PABPC1L: variants seen among roughly 807,000 people sequenced by gnomAD.
PABPC1L encodes polyadenylate-binding protein 1-like.
Under a neutral mutation model 66.6 loss-of-function variants are expected in PABPC1L, and 31 were observed. That is an observed-to-expected ratio of 0.47 (90% CI 0.35 to 0.63). The LOEUF is 0.63. Ranked by LOEUF, PABPC1L falls within the 20% of genes least tolerant of loss-of-function variation. The pLI is 0.00. For synonymous variants in PABPC1L, 348 were observed against 335.1 expected (o/e 1.04, Z -0.42); for missense variants, 722 against 848.8 (o/e 0.85, Z 1.86).
Position 44,930,534 on chromosome 20 carries a change from C to A in PABPC1L, c.1047C>A (p.Ala349=), listed in dbSNP as rs369056714. 3 of 1,614,130 alleles carry A rather than the reference C, an allele frequency of 1.9e-6. No individual in the cohort carries two copies. The Admixed American group carries it at 5.0e-5, about 27-fold the overall frequency. Residue 349 remains alanine, a synonymous_variant, in exon 8 of 15, where the codon GCC becomes GCA. Coordinates refer to ENST00000217073, the MANE Select transcript of PABPC1L (RefSeq NM_001372179.1). ...CFSSPEEATK[A]VTEMNGRIVG... The stretch of plus-strand genomic sequence containing the variant: ...CCTCCCCAGAAGAGGCGACAAAGGC[C>A]GTGACAGAGATGAACGGGCGCATCG...
intron 1 of PABPC1L, among the ~76,000 whole-genome samples, chr20:44,911,421 G>A (rs532924461): frequency 6.6e-6 from 1 of 152,256 alleles, no homozygotes; most frequent in South Asian, 2.1e-4. Flanking sequence ...CCGAGACTGC[G>A]CCATTGCACT....
intron 5 of PABPC1L, among the ~76,000 whole-genome samples, chr20:44,921,308 C>T (rs200775164): frequency 6.6e-6 from 1 of 151,992 alleles, no homozygotes; most frequent in East Asian, 1.9e-4. Context: ...GCTTCCATGC[C>T]TGGCTAATTT....
intron 7 of PABPC1L, among the ~76,000 whole-genome samples, chr20:44,928,779 A>G (rs2066828046): frequency 6.9e-6 from 1 of 145,404 alleles, no homozygotes; most frequent in African/African-American, 2.6e-5. Context: ...TGAGAGGATC[A>G]CTTGAGGCTG....
At position 44,930,458 on chromosome 20, in the gene PABPC1L, A is replaced by G; in HGVS notation, c.973-2A>G. ...GCAGCTCTTGTCTTGTCTTGCTTTTAGGTGATGACAGAGGGTGGCCACAGC... is the reference window on the plus strand; with the variant it reads ...GCAGCTCTTGTCTTGTCTTGCTTTTGGGTGATGACAGAGGGTGGCCACAGC... On this transcript the variant is annotated splice_acceptor_variant, in intron 7 of 14. Transcript: ENST00000217073. LOFTEE classifies it high-confidence loss of function. 1 of 1,611,628 alleles carries G rather than the reference A, an allele frequency of 6.2e-7. No individual in the cohort carries two copies. The highest frequency in any genetic ancestry group is 8.5e-7 in the Non-Finnish European group (1 of 1,178,426).
intron 7 of PABPC1L, among the ~76,000 whole-genome samples, chr20:44,927,696 T>A (rs1463980981): frequency 6.6e-6 from 1 of 152,118 alleles, no homozygotes; most frequent in Non-Finnish European, 1.5e-5. Flanking sequence ...GAATATTTTT[T>A]AAAAACTTTT....
At position 44,921,595 on chromosome 20, in the gene PABPC1L, C is replaced by T. The variant is rs777126563; in HGVS notation, c.740C>T (p.Ala247Val). 10 of 1,613,986 alleles carry T rather than the reference C, an allele frequency of 6.2e-6. No individual in the cohort carries two copies. Among genetic ancestry groups the T allele is most frequent in the Non-Finnish European group, 7.6e-6 (9 of 1,179,958 alleles). The change falls in exon 6 of 15, where the codon GCC becomes GTC. Residue 247 changes from alanine to valine, a missense_variant and splice_region_variant. Physicochemically the swap from Ala to Val is moderately conservative, Grantham distance 64. Transcript: ENST00000217073. ...CATGTTCCCTCCTCCTTTCCCCAGG[C>T]CGTGGTCCATATGAACGGGAAGGAG... ...NFEKHEEAQK[A>V]VVHMNGKEVS...
intron 7 of PABPC1L, among the ~76,000 whole-genome samples, chr20:44,926,883 AT>A (rs1234737557): frequency 6.6e-6 from 1 of 150,648 alleles, no homozygotes; most frequent in African/African-American, 2.4e-5. Context: ...GTTTATTATT[AT>A]TTTTTATTAG....
Position 44,919,253 on chromosome 20 carries a change from T to C in PABPC1L, c.714T>C (p.Phe238=). 2.5e-6 allele frequency: 4 copies of C among 1,614,158 alleles called. No individual in the cohort carries two copies. The highest frequency in any genetic ancestry group is 1.1e-5 in the South Asian group (1 of 91,086). The change falls in exon 5 of 15, where the codon TTT becomes TTC. Residue 238 remains phenylalanine, a synonymous_variant. Transcript: ENST00000217073. The part of the protein sequence containing the change: ...GHSRCFGFVN[F]EKHEEAQKAV... The stretch of plus-strand genomic sequence containing the variant: ...CGCGGTGCTTTGGCTTTGTCAACTT[T>C]GAGAAGCATGAGGAAGCCCAGAAGG...
intron 7 of PABPC1L, among the ~76,000 whole-genome samples, chr20:44,926,399 G>C (rs1259036560): frequency 6.6e-6 from 1 of 151,352 alleles, no homozygotes; most frequent in African/African-American, 2.4e-5. Flanking sequence ...GCTAATTTTT[G>C]TATTTTTAGT....
At chr20:44,924,116 G>A in intron 6 of PABPC1L, 45 bp from the exon 7 acceptor site, 1 of 1,508,606 alleles carries the variant, frequency 6.6e-7, no homozygotes, top group Non-Finnish European at 9.2e-7. Context: ...GGCAGTTGGG[G>A]CTTGGAGGAG....
At chr20:44,931,703 C>G (rs1243562850) in intron 8 of PABPC1L, 2 of 152,076 alleles carry the variant, frequency 1.3e-5, no homozygotes, top group Non-Finnish European at 2.9e-5. Context: ...ACCATGTTGG[C>G]CAGGCTGGTC....
intron 3 of PABPC1L, among the ~76,000 whole-genome samples, chr20:44,918,263 G>A (rs1485597377): frequency 2.0e-5 from 3 of 152,198 alleles, no homozygotes; most frequent in Admixed American, 6.5e-5. Flanking sequence ...CCAGGAGGTG[G>A]AGCTTGCAGT....
rs1230525882 is a variant in PABPC1L at position 44,918,928 on chromosome 20, C to A, written c.526C>A (p.Arg176=). ...RKVFVGHFKS[R]REREAELGAR... The stretch of plus-strand genomic sequence containing the variant: ...CAGCTTTGTGGGTCACTTCAAGTCT[C>A]GACGGGAGCGGGAGGCGGAGCTGGG... The change falls in exon 4 of 15, where the codon CGA becomes AGA. Residue 176 remains arginine, a synonymous_variant. Transcript: ENST00000217073. 7 of 1,601,112 alleles carry A rather than the reference C, an allele frequency of 4.4e-6. No individual in the cohort carries two copies. The highest frequency in any genetic ancestry group is 6.0e-6 in the Non-Finnish European group (7 of 1,173,776).
At chr20:44,911,905 A>G (rs2145551940) in intron 1 of PABPC1L, among the ~76,000 whole-genome samples, 3 of 152,344 alleles carry the variant, frequency 2.0e-5, no homozygotes, top group Middle Eastern at 6.8e-3. Context: ...TCTCTGCACT[A>G]GCAGACTCCC....
intron 3 of PABPC1L, among the ~76,000 whole-genome samples, chr20:44,918,628 C>T (rs926899241): frequency 1.3e-5 from 2 of 152,226 alleles, no homozygotes; most frequent in African/African-American, 4.8e-5. Flanking sequence ...TCTGTGCTCT[C>T]AGCTGCCTGG....
intron 13 of PABPC1L, 129 bp downstream of exon 13, chr20:44,938,320 G>A: frequency 7.9e-7 from 1 of 1,268,990 alleles, no homozygotes; most frequent in Non-Finnish European, 1.1e-6. Flanking sequence ...AATACCTGAA[G>A]GCCTGCTGAA....
rs981327120 is a variant in PABPC1L, at chr20:44,924,207, A to G, written c.923A>G (p.Asp308Gly). 2 of 1,614,098 alleles carry G rather than the reference A, an allele frequency of 1.2e-6. No homozygotes were observed. Among genetic ancestry groups the G allele is most frequent in the Non-Finnish European group, 1.7e-6 (2 of 1,179,976 alleles). The stretch of plus-strand genomic sequence containing the variant: ...AATCTGGACGACTCCATTGATGACG[A>G]CAAACTGAGGAAAGAGTTCTCTCCC... ...VKNLDDSIDDDKLRKEFSPYG... is the reference protein window; with the variant it reads ...VKNLDDSIDDGKLRKEFSPYG... The change falls in exon 7 of 15, where the codon GAC becomes GGC. Residue 308 changes from aspartate to glycine, a missense_variant. Asp to Gly is a moderately conservative substitution (Grantham distance 94, BLOSUM62 -1). Coordinates refer to ENST00000217073, the MANE Select transcript of PABPC1L (RefSeq NM_001372179.1).
intron 6 of PABPC1L, among the ~76,000 whole-genome samples, chr20:44,923,330 A>C (rs935693422): frequency 6.6e-6 from 1 of 152,152 alleles, no homozygotes; most frequent in East Asian, 1.9e-4. Flanking sequence ...GAGGATTAAA[A>C]ATCAAAACGT....
chr20:44,933,105 G>A lies in PABPC1L; in HGVS notation c.1379G>A (p.Arg460Gln), dbSNP rs2066874446. The part of the protein sequence containing the change: ...ASMVRPPVVP[R>Q]RPPAHISSVR... The stretch of plus-strand genomic sequence containing the variant: ...ATGGTCCGGCCACCAGTTGTGCCTC[G>A]GCGCCCCCCGGCCCACATCAGCAGT... Residue 460 changes from arginine (R) to glutamine (Q), a missense_variant, in exon 10 of 15, where the codon CGG becomes CAG. Transcript: ENST00000217073. 3 of 1,605,904 alleles carry A rather than the reference G, an allele frequency of 1.9e-6. No homozygotes were observed. Among genetic ancestry groups the A allele is most frequent in the East Asian group, 2.2e-5 (1 of 44,564 alleles).
Sources: gnomAD v4.1 joint callset for allele counts (sites outside exome capture counted in the v4.1 genomes callset) on GRCh38, gnomAD v4.1.1 for gene constraint, MANE v1.5 for transcripts, NCBI Gene and HGNC (gene_info 2026-07-23, HGNC 2026-07-21) for gene names.